Variants in IGSF21 observed in about 807,000 individuals in gnomAD.
The protein encoded by IGSF21 is immunoglobin superfamily member 21.
A neutral mutation model predicts 46.8 loss-of-function variants in IGSF21; 28 were observed. The observed-to-expected ratio is 0.60, with a 90% CI of 0.44 to 0.82. The LOEUF is 0.82. IGSF21 is among the 40% of genes least tolerant of loss of function. The probability of loss-of-function intolerance (pLI) is 0.00; values close to 1 mark genes in which losing one functional copy is unlikely to be tolerated. For missense variants in IGSF21, 624 were observed against 665.5 expected (o/e 0.94, Z 0.69); for synonymous variants, 284 against 273.6 (o/e 1.04, Z -0.38).
intron 2 of IGSF21, among the ~76,000 whole-genome samples, chr1:18,248,907 C>G (rs372464386): frequency 6.6e-6 from 1 of 152,026 alleles, no homozygotes; most frequent in Non-Finnish European, 1.5e-5. Flanking sequence ...ATGGACCCCC[C>G]CAAGCCAGAC....
At chr1:18,247,612 G>T (rs759055964) in intron 2 of IGSF21, among the ~76,000 whole-genome samples, 4 of 152,082 alleles carry the variant, frequency 2.6e-5, no homozygotes, top group Non-Finnish European at 5.9e-5. Flanking sequence ...GAGAAGTAAC[G>T]CCCCTGGATG....
intron 1 of IGSF21, chr1:18,112,947 T>C (rs960053100): frequency 6.6e-6 from 1 of 152,260 alleles, no homozygotes; most frequent in African/African-American, 2.4e-5. Flanking sequence ...CCATCCTCCC[T>C]CTCCACCTCC....
chr1:18,249,654 T>C (rs1172585301), intron 2 of IGSF21, among the ~76,000 whole-genome samples: 2 of 152,198 alleles, frequency 1.3e-5, no homozygotes, highest in Non-Finnish European at 2.9e-5. Flanking sequence ...ATCTCTCTGG[T>C]TGGGGCCAGA....
chr1:18,138,063 A>AGGACACATGATCCATGCTGG (rs1165388307), intron 1 of IGSF21, among the ~76,000 whole-genome samples: 2 of 152,124 alleles, frequency 1.3e-5, no homozygotes, highest in African/African-American at 4.8e-5. Context: ...CCCCAGCAAC[A>AGGACACATGATCCATGCTGG]GGACACATGA....
chr1:18,360,360 C>T (rs12068909), intron 4 of IGSF21, among the ~76,000 whole-genome samples: 3,284 of 152,202 alleles, frequency 0.022, 68 homozygotes, highest in East Asian at 0.056. Flanking sequence ...TGGGTTGGCT[C>T]CCTGAATGAA....
intron 1 of IGSF21, among the ~76,000 whole-genome samples, chr1:18,136,184 A>G (rs1034790109): frequency 2.6e-5 from 4 of 152,188 alleles, no homozygotes; most frequent in African/African-American, 9.7e-5. Context: ...GTAGGTTGCA[A>G]AAATTTTCTC....
intron 2 of IGSF21, among the ~76,000 whole-genome samples, chr1:18,231,770 T>C (rs1226991522): frequency 1.3e-5 from 2 of 152,126 alleles, no homozygotes; most frequent in Non-Finnish European, 2.9e-5. Context: ...CTGTAGAACA[T>C]TGAGATTTTC....
chr1:18,231,430 C>T (rs1019949935), intron 2 of IGSF21, among the ~76,000 whole-genome samples: 12 of 152,128 alleles, frequency 7.9e-5, no homozygotes, highest in African/African-American at 2.9e-4. Context: ...GCGGCAAGAG[C>T]CTGACTCTTG....
At chr1:18,357,628 C>T (rs1215197968) in intron 4 of IGSF21, among the ~76,000 whole-genome samples, 1 of 151,982 alleles carries the variant, frequency 6.6e-6, no homozygotes, top group African/African-American at 2.4e-5. Flanking sequence ...GCAGGAATGC[C>T]GTACTTGGTC....
intron 4 of IGSF21, among the ~76,000 whole-genome samples, chr1:18,338,177 C>T (rs1317740900): frequency 1.3e-5 from 2 of 152,146 alleles, no homozygotes; most frequent in African/African-American, 4.8e-5. Flanking sequence ...AGGCTTGGCA[C>T]ATTCTGGATG....
At chr1:18,309,242 T>A (rs2085456679) in intron 3 of IGSF21, among the ~76,000 whole-genome samples, 1 of 152,134 alleles carries the variant, frequency 6.6e-6, no homozygotes. Flanking sequence ...GCATATTTCA[T>A]CTCTGTAGCC....
intron 6 of IGSF21, among the ~76,000 whole-genome samples, chr1:18,369,447 T>A (rs1325052159): frequency 6.6e-6 from 1 of 152,216 alleles, no homozygotes; most frequent in Non-Finnish European, 1.5e-5. Context: ...GTAACCTTTC[T>A]TAGGTCAGCC....
At chr1:18,208,474 C>T (rs12059856) in intron 1 of IGSF21, among the ~76,000 whole-genome samples, 2 of 146,060 alleles carry the variant, frequency 1.4e-5, no homozygotes, top group East Asian at 2.0e-4. Context: ...TTCCGCCTCC[C>T]GGGTTCACGC....
intron 1 of IGSF21, among the ~76,000 whole-genome samples, chr1:18,120,305 G>A (rs1370498595): frequency 2.0e-5 from 3 of 152,218 alleles, no homozygotes; most frequent in East Asian, 3.8e-4. Flanking sequence ...GCCCTGTGTA[G>A]AGGACTGCAG....
chr1:18,250,742 T>A (rs1368541295), intron 2 of IGSF21, among the ~76,000 whole-genome samples: 1 of 152,116 alleles, frequency 6.6e-6, no homozygotes, highest in Non-Finnish European at 1.5e-5. Context: ...AAAGTTAATA[T>A]TCCCAGTCTA....
At chr1:18,308,515 T>C (rs1178569954) in intron 3 of IGSF21, among the ~76,000 whole-genome samples, 1 of 152,188 alleles carries the variant, frequency 6.6e-6, no homozygotes, top group Non-Finnish European at 1.5e-5. Flanking sequence ...ATGGATTCTC[T>C]CTTTGAGCTC....
chr1:18,170,156 C>T (rs1035327478), intron 1 of IGSF21, among the ~76,000 whole-genome samples: 2 of 152,166 alleles, frequency 1.3e-5, no homozygotes, highest in African/African-American at 4.8e-5. Flanking sequence ...TGGGCAAAGG[C>T]ATCACTGGAC....
At chr1:18,208,443 G>A (rs1404557541) in intron 1 of IGSF21, among the ~76,000 whole-genome samples, 9 of 135,466 alleles carry the variant, frequency 6.6e-5, no homozygotes, top group Non-Finnish European at 1.1e-4. Context: ...GTGCAGTGGC[G>A]CAATCTCGGC....
chr1:18,170,297 A>G (rs1314412381), intron 1 of IGSF21, among the ~76,000 whole-genome samples: 1 of 152,072 alleles, frequency 6.6e-6, no homozygotes, highest in Non-Finnish European at 1.5e-5. Flanking sequence ...GGTCTTATGA[A>G]GCCAGTGACC....
Sources: allele counts gnomAD v4.1 joint callset (sites outside exome capture counted in the v4.1 genomes callset), GRCh38; gene constraint gnomAD v4.1.1; transcripts MANE v1.5; gene names NCBI Gene and HGNC (gene_info 2026-07-23, HGNC 2026-07-21).